CFDP1: variants seen among roughly 807,000 people sequenced by gnomAD.
The protein encoded by CFDP1 is chromatin remodeling protein CFDP1, also known as heterochromatin-stabilizing protein CFDP1.
Under a neutral mutation model 40.1 loss-of-function variants are expected in CFDP1, and 31 were observed. That is an observed-to-expected ratio of 0.77 (90% CI 0.58 to 1.04). The LOEUF is 1.04. Among genes scored for constraint, CFDP1 ranks in the 50% least tolerant of loss-of-function variants. The pLI is 0.00. For synonymous variants in CFDP1, 167 were observed against 120.0 expected, an observed-to-expected ratio of 1.39 and a Z score of -2.56; for missense variants, 423 against 343.4, an observed-to-expected ratio of 1.23 and a Z score of -1.83.
chr16:75,433,326 G>T lies in CFDP1; in HGVS notation c.27C>A (p.Phe9Leu). The change falls in exon 1 of 7, where the codon TTC becomes TTA. Residue 9 changes from phenylalanine to leucine, a missense_variant. Phe to Leu is a conservative substitution (Grantham distance 22). Coordinates refer to ENST00000283882, the MANE Select transcript of CFDP1 (RefSeq NM_006324.3). ...AGTCCTCGTCCTCCTCCGACGTAGA[G>T]AAGTCTTCGGAGTCGAATTCCTCCA... is the stretch of plus-strand genomic sequence containing the variant. MEEFDSED[F>L]STSEEDEDYV... The T allele has an allele frequency of 6.2e-7, 1 of 1,600,958 alleles. No homozygotes were observed. Among genetic ancestry groups the T allele is most frequent in the Non-Finnish European group, 8.5e-7 (1 of 1,174,450 alleles).
At chr16:75,403,947 C>G (rs1446639852) in intron 4 of CFDP1, among the ~76,000 whole-genome samples, 1 of 151,870 alleles carries the variant, frequency 6.6e-6, no homozygotes, top group Non-Finnish European at 1.5e-5. Flanking sequence ...GCCTGGCCAA[C>G]ATGATGAAAC....
chr16:75,355,842 A>G (rs4888386), intron 5 of CFDP1, among the ~76,000 whole-genome samples: 77,592 of 152,144 alleles, frequency 0.51, 20,869 homozygotes, highest in Admixed American at 0.64. Flanking sequence ...TTCCCCAGCT[A>G]TGCGGAACTG....
intron 5 of CFDP1, among the ~76,000 whole-genome samples, chr16:75,371,959 T>TA (rs1202964442): frequency 2.6e-5 from 4 of 152,214 alleles, no homozygotes; most frequent in African/African-American, 9.7e-5. Context: ...TTTCATTGAG[T>TA]CCTTCTGTGC....
intron 5 of CFDP1, among the ~76,000 whole-genome samples, chr16:75,353,763 A>G (rs1417973023): frequency 6.6e-6 from 1 of 150,942 alleles, no homozygotes; most frequent in Non-Finnish European, 1.5e-5. Flanking sequence ...AAAAAAAAAA[A>G]AAAAAAAAAA....
intron 5 of CFDP1, among the ~76,000 whole-genome samples, chr16:75,328,805 A>G (rs1232419752): frequency 6.7e-6 from 1 of 149,874 alleles, no homozygotes; most frequent in African/African-American, 2.5e-5. Context: ...CAGCCTCCCG[A>G]GTAGCTGGGA....
At chr16:75,401,932 A>G (rs1379437057) in intron 4 of CFDP1, among the ~76,000 whole-genome samples, 1 of 152,224 alleles carries the variant, frequency 6.6e-6, no homozygotes. Flanking sequence ...AGTCATTGTA[A>G]TACATGATAT....
chr16:75,353,700 G>C (rs2078627697), intron 5 of CFDP1, among the ~76,000 whole-genome samples: 2 of 132,574 alleles, frequency 1.5e-5, no homozygotes, highest in Admixed American at 8.8e-5. Context: ...AGTGAGCCGA[G>C]ATCGTGCCAC....
intron 5 of CFDP1, among the ~76,000 whole-genome samples, chr16:75,362,353 G>C (rs2078685305): frequency 6.6e-6 from 1 of 152,164 alleles, no homozygotes; most frequent in African/African-American, 2.4e-5. Context: ...AAAGGCAAGG[G>C]GGGTCAAGTT....
At chr16:75,414,866 C>A (rs2079191208) in intron 1 of CFDP1, among the ~76,000 whole-genome samples, 171 bp from the exon 2 acceptor site, 1 of 151,990 alleles carries the variant, frequency 6.6e-6, no homozygotes, top group Non-Finnish European at 1.5e-5. Context: ...TCTTCTCTGC[C>A]CCTGAAGACT....
intron 5 of CFDP1, among the ~76,000 whole-genome samples, chr16:75,339,978 T>TA (rs2078515479): frequency 1.3e-5 from 2 of 152,244 alleles, no homozygotes; most frequent in South Asian, 4.1e-4. Context: ...ATCTTCCTGT[T>TA]ACTTTTTATG....
At chr16:75,330,047 G>A (rs1456669189) in intron 5 of CFDP1, among the ~76,000 whole-genome samples, 3 of 152,070 alleles carry the variant, frequency 2.0e-5, no homozygotes, top group Non-Finnish European at 2.9e-5. Flanking sequence ...CAAACTCTAG[G>A]GTTACTTCCC....
chr16:75,313,706 T>C (rs1193086109), intron 5 of CFDP1, among the ~76,000 whole-genome samples: 3 of 152,094 alleles, frequency 2.0e-5, no homozygotes, highest in Non-Finnish European at 2.9e-5. Context: ...TGGTGAAACA[T>C]GCCTTAGTTC....
chr16:75,370,689 C>G (rs985866303), intron 5 of CFDP1, among the ~76,000 whole-genome samples: 24 of 151,954 alleles, frequency 1.6e-4, no homozygotes, highest in African/African-American at 4.8e-4. Context: ...ATGGCAAAAC[C>G]CCGTCTCTAC....
chr16:75,340,153 C>T (rs772501549), intron 5 of CFDP1, among the ~76,000 whole-genome samples: 22 of 152,196 alleles, frequency 1.4e-4, no homozygotes, highest in Admixed American at 1.2e-3. Context: ...ATCAATTCAT[C>T]GCAATCTAAT....
intron 4 of CFDP1, among the ~76,000 whole-genome samples, chr16:75,400,976 G>C (rs1160521591): frequency 1.3e-5 from 2 of 152,126 alleles, no homozygotes; most frequent in Non-Finnish European, 2.9e-5. Context: ...ATAAAAAAGA[G>C]CCACAGAACA....
intron 1 of CFDP1, among the ~76,000 whole-genome samples, chr16:75,429,275 G>A (rs779849322): frequency 1.3e-5 from 2 of 152,186 alleles, no homozygotes; most frequent in Non-Finnish European, 2.9e-5. Context: ...AAATTCTGAT[G>A]GAAAATTATT....
At chr16:75,367,774 C>T (rs2078725321) in intron 5 of CFDP1, among the ~76,000 whole-genome samples, 2 of 119,586 alleles carry the variant, frequency 1.7e-5, no homozygotes, top group African/African-American at 6.5e-5. Context: ...GCCTGGGCGA[C>T]AGAGTGACAC....
In CFDP1 at chr16:75,333,030, A is replaced by G; in HGVS notation, c.651-27848T>C. ...ACCATGTTAGCCAGGCTGGTCTCGA[A>G]CTCCTAACCTCAGGTGATCTGCCTG... On this transcript the variant is annotated intron_variant, in intron 5 of 6. Coordinates refer to ENST00000283882, the MANE Select transcript of CFDP1 (RefSeq NM_006324.3). 1.3e-5 allele frequency among the ~76,000 whole-genome samples: 2 copies of G among 149,570 alleles called. 1 individual carries two copies. The highest frequency in any genetic ancestry group is 3.9e-4 in the East Asian group (2 of 5,082).
intron 5 of CFDP1, among the ~76,000 whole-genome samples, chr16:75,349,612 C>G (rs1481509746): frequency 7.8e-6 from 1 of 128,558 alleles, no homozygotes; most frequent in East Asian, 2.6e-4. Context: ...GTTTGTGCTG[C>G]TGTACCCCAG....
Sources: allele counts gnomAD v4.1 joint callset (sites outside exome capture counted in the v4.1 genomes callset), GRCh38; gene constraint gnomAD v4.1.1; transcripts MANE v1.5; gene names NCBI Gene and HGNC (gene_info 2026-07-23, HGNC 2026-07-21).